NKX2-2: variants seen among roughly 807,000 people sequenced by gnomAD.
NKX2-2 encodes NK2 homeobox 2, also known as homeobox protein Nkx-2.2.
NKX2-2 carries 8 observed loss-of-function variants against 24.6 expected under a neutral mutation model. That is an observed-to-expected ratio of 0.32 (90% CI 0.19 to 0.59). The LOEUF is 0.59. NKX2-2 is among the 20% of genes least tolerant of loss of function. NKX2-2 has a pLI of 0.86. For synonymous variants in NKX2-2, 217 were observed against 173.3 expected (o/e 1.25, Z -1.98); for missense variants, 381 against 373.9 (o/e 1.02, Z -0.16).
chr20:21,517,947 G>T (rs1980683033), upstream of NKX2-2, among the ~76,000 whole-genome samples: 1 of 152,116 alleles, frequency 6.6e-6, no homozygotes, highest in African/African-American at 2.4e-5. Context: ...CCCTGTCAGC[G>T]TCTGCCTGCA....
At chr20:21,521,093 G>C in the NKX2-2 span, among the ~76,000 whole-genome samples, 1 of 152,164 alleles carries the variant, frequency 6.6e-6, no homozygotes, top group African/African-American at 2.4e-5. Flanking sequence ...GGAGCTAAGG[G>C]CTGGTTCCGG....
At position 21,513,327 on chromosome 20, in the gene NKX2-2, C is replaced by T; in HGVS notation, c.259+84G>A. ...GGTCCGGGCTTACATGGCCCCTTCC[C>T]CTTTCACTCCCAGCGTCCAACCCGG... On this transcript the variant is annotated intron_variant, in intron 1 of 1. Coordinates refer to ENST00000377142, the MANE Select transcript of NKX2-2 (RefSeq NM_002509.4). This position sits in a 1 kb window ranked among gnomAD's most constrained non-coding sequence, Gnocchi z 4.6. 1 of 1,424,882 alleles carries T rather than the reference C, an allele frequency of 7.0e-7. No individual in the cohort carries two copies. 88.3% of individuals were successfully genotyped at this position (1,424,882 alleles called of 1,614,324 possible).
At chr20:21,519,187 G>A in the NKX2-2 span, among the ~76,000 whole-genome samples, 3 of 152,330 alleles carry the variant, frequency 2.0e-5, 1 homozygote, top group Middle Eastern at 3.4e-3. Context: ...TAATTTGTTT[G>A]ACTTCATTTC....
At chr20:21,518,437 G>A (rs1388960706), upstream of NKX2-2, among the ~76,000 whole-genome samples, 2 of 152,212 alleles carry the variant, frequency 1.3e-5, no homozygotes, top group Non-Finnish European at 2.9e-5. Flanking sequence ...GAAGCTAGAG[G>A]AGAGCCTCGC....
In NKX2-2 at chr20:21,513,376, G is replaced by GA; in HGVS notation, c.259+34dup. On this transcript the variant is annotated intron_variant, in intron 1 of 1. Coordinates refer to ENST00000377142, the MANE Select transcript of NKX2-2 (RefSeq NM_002509.4). This position sits in a 1 kb window ranked among gnomAD's most constrained non-coding sequence, Gnocchi z 4.6. ...GGGCTGCGGCTGCAGGAATGGAGGGGACCACGGCCTCGGCAGCCAAGTTTT... is the reference window on the plus strand; with the variant it reads ...GGGCTGCGGCTGCAGGAATGGAGGGGAACCACGGCCTCGGCAGCCAAGTTTT... 1 of 1,502,558 alleles carries GA rather than the reference G, an allele frequency of 6.7e-7. No individual in the cohort carries two copies. 93.1% of individuals were successfully genotyped at this position (1,502,558 alleles called of 1,614,324 possible).
At chr20:21,517,451 C>T (rs978693986), upstream of NKX2-2, among the ~76,000 whole-genome samples, 1 of 152,238 alleles carries the variant, frequency 6.6e-6, no homozygotes, top group Non-Finnish European at 1.5e-5. Flanking sequence ...ATTTCCCCAT[C>T]ACTTCTCGTC....
upstream of NKX2-2, among the ~76,000 whole-genome samples, chr20:21,518,621 T>A (rs1354566722): frequency 6.6e-6 from 1 of 152,220 alleles, no homozygotes; most frequent in Non-Finnish European, 1.5e-5. Flanking sequence ...GTTTACCTGT[T>A]TACTTTCCCA....
rs1332046110 is a variant in NKX2-2, at chr20:21,513,654, T to C, written c.16A>G (p.Thr6Ala). The change falls in exon 1 of 2, where the codon ACA (threonine) becomes GCA (alanine). Residue 6 changes from threonine (T) to alanine (A), a missense_variant. By Grantham distance (58) the Thr-to-Ala change is moderately conservative. Around this residue, in one of 3 missense-constraint regions of NKX2-2, gnomAD observed 206 missense variants for 173.1 expected, o/e 1.19. Coordinates refer to ENST00000377142, the MANE Select transcript of NKX2-2 (RefSeq NM_002509.4). The surrounding 1 kb of genome is among the most constrained non-coding windows in gnomAD (Gnocchi z 4.6). Reference protein sequence around the residue: MSLTNTKTGFSVKDIL... With the variant: MSLTNAKTGFSVKDIL... ...TCCTTGACCGAAAACCCCGTCTTTG[T>C]GTTGGTCAGCGACATGGTTCGAGAC... 1.3e-6 allele frequency: 2 copies of C among 1,580,504 alleles called. No homozygotes were observed. Among genetic ancestry groups the C allele is most frequent in the East Asian group, 2.3e-5 (1 of 42,840 alleles).
Position 21,511,631 on chromosome 20 carries a change from A to C in NKX2-2, c.*292T>G. ...CTGGGACGGTTTGGTCCCCCCGGGG[A>C]GAGGCAAAGAAGCGAAGCTGCGCAA... On this transcript the variant is annotated 3_prime_UTR_variant, in exon 2 of 2. Transcript: ENST00000377142. 5 of 284,032 alleles carry C rather than the reference A, an allele frequency of 1.8e-5. No homozygotes were observed. The highest frequency in any genetic ancestry group is 1.9e-5 in the Non-Finnish European group (3 of 155,392). The allele number at this position is 284,032 out of a possible 1,614,324, so 17.6% of individuals were successfully genotyped here. A position where few individuals can be genotyped will look rare whatever the true frequency, so the allele number is the denominator to read the frequency against.
intron 1 of NKX2-2, among the ~76,000 whole-genome samples, chr20:21,512,753 G>T (rs1206019472): frequency 6.6e-6 from 1 of 152,172 alleles, no homozygotes; most frequent in Non-Finnish European, 1.5e-5. Context: ...ATTTGGGGGG[G>T]GAAGTGGCAC....
the NKX2-2 span, among the ~76,000 whole-genome samples, chr20:21,521,762 G>C: frequency 3.3e-5 from 5 of 152,322 alleles, no homozygotes; most frequent in African/African-American, 1.2e-4. Context: ...GGCGCAACCG[G>C]CCCCGGGCAA....
Position 21,511,975 on chromosome 20 carries a change from G to A in NKX2-2, c.770C>T (p.Pro257Leu). 1 of 1,611,162 alleles carries A rather than the reference G, an allele frequency of 6.2e-7. No individual in the cohort carries two copies. ...CAGGGGGTGTGCTGTCGGGTACTGG[G>A]GGGTGCTGGCCGAGCTGTACTGGGC... ...YNAQYSSAST[P>L]QYPTAHPLVQ... The change falls in exon 2 of 2, where the codon CCC (proline) becomes CTC (leucine). Residue 257 changes from proline (P) to leucine (L), a missense_variant. By Grantham distance (98) the Pro-to-Leu change is moderately conservative (BLOSUM62 -3). Coordinates refer to ENST00000377142, the MANE Select transcript of NKX2-2 (RefSeq NM_002509.4).
chr20:21,516,823 TG>T (rs966914762), upstream of NKX2-2, among the ~76,000 whole-genome samples: 6 of 152,098 alleles, frequency 3.9e-5, no homozygotes, highest in Admixed American at 3.9e-4. Flanking sequence ...CCCTCTTAGG[TG>T]GGGGAGTGCC....
the NKX2-2 span, among the ~76,000 whole-genome samples, chr20:21,522,377 C>T: frequency 2.6e-5 from 4 of 152,168 alleles, no homozygotes; most frequent in Non-Finnish European, 4.4e-5. Context: ...GTGACCGTGC[C>T]CGGAGCGCGT....
upstream of NKX2-2, among the ~76,000 whole-genome samples, chr20:21,514,852 A>T (rs1600262106): frequency 1.3e-5 from 2 of 151,898 alleles, no homozygotes; most frequent in Non-Finnish European, 2.9e-5. Flanking sequence ...AGAGCCCAAA[A>T]CCCAGGAGAG....
At position 21,512,386 on chromosome 20, in the gene NKX2-2, C is replaced by T. The variant is rs778868155; in HGVS notation, c.359G>A (p.Gly120Asp). Residue 120 changes from glycine to aspartate, a missense_variant, in exon 2 of 2, where the codon GGC (glycine) becomes GAC (aspartate). Gly to Asp is a moderately conservative substitution (Grantham distance 94). Around this residue, in one of 3 missense-constraint regions of NKX2-2, gnomAD observed 206 missense variants for 173.1 expected, o/e 1.19. Transcript: ENST00000377142. ...CTTCTTGCCGGCGTCCCCCCCGCCG[C>T]CCGGGGTCTCCTTGTCATTGTCCGG... ...ESPDNDKETPGGGGDAGKKRK... is the reference protein window; with the variant it reads ...ESPDNDKETPDGGGDAGKKRK... The T allele has an allele frequency of 8.7e-6, 14 of 1,601,234 alleles. No individual in the cohort carries two copies. The highest frequency in any genetic ancestry group is 1.2e-5 in the Non-Finnish European group (14 of 1,175,768).
chr20:21,520,588 G>T, the NKX2-2 span, among the ~76,000 whole-genome samples: 8 of 152,156 alleles, frequency 5.3e-5, no homozygotes. Context: ...AACACGAACT[G>T]TGGCTCCGGG....
upstream of NKX2-2, among the ~76,000 whole-genome samples, chr20:21,518,195 G>T (rs1230055119): frequency 6.6e-6 from 1 of 152,118 alleles, no homozygotes; most frequent in Non-Finnish European, 1.5e-5. Flanking sequence ...CATGCCCCGG[G>T]CCGGAGGAGA....
the NKX2-2 span, among the ~76,000 whole-genome samples, chr20:21,519,518 G>A: frequency 6.6e-6 from 1 of 152,176 alleles, no homozygotes; most frequent in African/African-American, 2.4e-5. Context: ...GAAGGAAAAT[G>A]TCACCCAATC....
Sources: allele counts gnomAD v4.1 joint callset (sites outside exome capture counted in the v4.1 genomes callset), GRCh38; gene constraint gnomAD v4.1.1; regional missense constraint gnomAD v4.1.1; non-coding constraint Gnocchi (gnomAD v3.1); transcripts MANE v1.5; gene names NCBI Gene and HGNC (gene_info 2026-07-23, HGNC 2026-07-21).